The following ERC2 variants were observed in gnomAD, a reference collection of about 807,000 sequenced individuals.
The protein encoded by ERC2 is ERC protein 2.
In ERC2, 42 loss-of-function variants were observed where a neutral mutation model predicts 114.8. The ratio of observed to expected loss-of-function variants is 0.37; its 90% CI spans 0.29 to 0.47. The LOEUF (loss-of-function observed/expected upper bound fraction) is 0.47. Among genes scored for constraint, ERC2 ranks in the 20% least tolerant of loss-of-function variants. ERC2 has a pLI of 0.99. For missense variants in ERC2, 939 were observed against 1,150.7 expected (o/e 0.82, Z 2.66); for synonymous variants, 454 against 425.5 (o/e 1.07, Z -0.82).
chr3:55,823,251 T>C (rs1374299922), intron 14 of ERC2, among the ~76,000 whole-genome samples: 1 of 151,292 alleles, frequency 6.6e-6, no homozygotes, highest in Non-Finnish European at 1.5e-5. Context: ...AGAGTTCACT[T>C]GCTCCAAGGC....
chr3:55,760,148 T>C (rs1282445354), intron 14 of ERC2, among the ~76,000 whole-genome samples: 1 of 152,164 alleles, frequency 6.6e-6, no homozygotes. Context: ...GAGTAACACA[T>C]TGACATCAAA....
chr3:55,543,131 C>G (rs2107353768), intron 17 of ERC2, among the ~76,000 whole-genome samples: 1 of 152,304 alleles, frequency 6.6e-6, no homozygotes, highest in Middle Eastern at 3.4e-3. Flanking sequence ...TTCCATCTAT[C>G]CCTGAACTCC....
intron 17 of ERC2, among the ~76,000 whole-genome samples, chr3:55,542,447 A>G (rs2054461521): frequency 6.6e-6 from 1 of 152,148 alleles, no homozygotes; most frequent in Non-Finnish European, 1.5e-5. Flanking sequence ...CACCTGTATT[A>G]CAGATTTCTG....
intron 10 of ERC2, among the ~76,000 whole-genome samples, chr3:56,003,682 A>T (rs2072252950): frequency 1.3e-5 from 2 of 152,112 alleles, no homozygotes; most frequent in African/African-American, 2.4e-5. Context: ...GATTAACTTA[A>T]ATGGGAAAAG....
intron 13 of ERC2, among the ~76,000 whole-genome samples, chr3:55,931,577 G>A (rs2066090698): frequency 6.6e-6 from 1 of 152,098 alleles, no homozygotes; most frequent in South Asian, 2.1e-4. Flanking sequence ...ACAGGGAGGG[G>A]AACACCACAC....
At chr3:56,094,077 T>C (rs2077930780) in intron 6 of ERC2, among the ~76,000 whole-genome samples, 1 of 152,186 alleles carries the variant, frequency 6.6e-6, no homozygotes, top group Non-Finnish European at 1.5e-5. Flanking sequence ...ACATCTATTT[T>C]TTCCCACCGA....
intron 15 of ERC2, among the ~76,000 whole-genome samples, chr3:55,720,744 G>C (rs542812069): frequency 2.0e-5 from 3 of 152,306 alleles, no homozygotes; most frequent in Admixed American, 6.5e-5. Context: ...AAGTCATGTA[G>C]ATCCTAGTTT....
intron 17 of ERC2, among the ~76,000 whole-genome samples, chr3:55,574,704 T>G (rs1184807170): frequency 6.6e-6 from 1 of 152,188 alleles, no homozygotes; most frequent in Non-Finnish European, 1.5e-5. Context: ...CTAAGAGGGC[T>G]CAAGTGATGG....
chr3:55,669,733 AG>A (rs1394102682), intron 17 of ERC2, among the ~76,000 whole-genome samples: 1 of 152,162 alleles, frequency 6.6e-6, no homozygotes, highest in East Asian at 1.9e-4. Flanking sequence ...ACTCTTCGAG[AG>A]CTATATCCAA....
At chr3:56,372,572 A>G (rs988959771) in intron 2 of ERC2, among the ~76,000 whole-genome samples, 1 of 152,086 alleles carries the variant, frequency 6.6e-6, no homozygotes, top group East Asian at 1.9e-4. Context: ...TACAAAAACT[A>G]CAAAATAAGC....
chr3:55,727,176 A>T (rs2064973569), intron 15 of ERC2, among the ~76,000 whole-genome samples: 1 of 152,204 alleles, frequency 6.6e-6, no homozygotes, highest in African/African-American at 2.4e-5. Context: ...GAAGAAAAAG[A>T]GTTGGGGAGA....
intron 15 of ERC2, among the ~76,000 whole-genome samples, chr3:55,713,213 A>C (rs2063884596): frequency 6.6e-6 from 1 of 151,492 alleles, no homozygotes; most frequent in South Asian, 2.1e-4. Flanking sequence ...CCTTATTAAA[A>C]AAAAATTTTT....
intron 13 of ERC2, among the ~76,000 whole-genome samples, chr3:55,907,301 C>T (rs1313265898): frequency 2.0e-5 from 3 of 152,216 alleles, no homozygotes; most frequent in Non-Finnish European, 4.4e-5. Flanking sequence ...CGGCCACTTG[C>T]TCCTGTATGT....
chr3:56,062,035 A>G (rs2076265177), intron 7 of ERC2, among the ~76,000 whole-genome samples: 1 of 152,186 alleles, frequency 6.6e-6, no homozygotes, highest in South Asian at 2.1e-4. Context: ...TTTCCTTGTT[A>G]ATGTTAAATG....
At chr3:55,602,458 A>G (rs977635085) in intron 17 of ERC2, among the ~76,000 whole-genome samples, 5 of 152,210 alleles carry the variant, frequency 3.3e-5, no homozygotes, top group Admixed American at 3.3e-4. Flanking sequence ...AGTTGGAGGA[A>G]CCAGGAAAAC....
chr3:56,365,108 G>A lies in ERC2; in HGVS notation c.658-68673C>T, dbSNP rs1037851688. Among the ~76,000 whole-genome samples the A allele has an allele frequency of 5.6e-4, 86 of 152,332 alleles. 2 individuals carry two copies. The highest frequency in any genetic ancestry group is 3.7e-4 in the Non-Finnish European group (25 of 68,038). The stretch of plus-strand genomic sequence containing the variant: ...TCTGATACCCAGTATTCTGACCTAA[G>A]TGTTTCATCAATGATTGGCGGCTAT... On this transcript the variant is annotated intron_variant, in intron 2 of 17. Transcript: ENST00000288221.
chr3:56,010,503 G>A lies in ERC2; in HGVS notation c.1866C>T (p.Asn622=), dbSNP rs1283835568. The A allele has an allele frequency of 1.3e-5, 21 of 1,613,516 alleles. No individual in the cohort carries two copies. The South Asian group carries it at 2.1e-4, about 16-fold the overall frequency. ...LEEIESFRKE[N]KDLKEKVNAL... is the part of the protein sequence containing the mutation. ...CATTGACCTTCTCTTTCAGGTCTTT[G>A]TTCTCTTTTCGGAAGGATTCTATCT... Residue 622 remains asparagine, a synonymous_variant, in exon 9 of 18, where the codon AAC becomes AAT. Coordinates refer to ENST00000288221, the MANE Select transcript of ERC2 (RefSeq NM_015576.3).
rs150306679 is a variant in ERC2, at chr3:56,382,249, C to T, written c.657+52102G>A. Among the ~76,000 whole-genome samples, 180 of 152,238 alleles carry T rather than the reference C, an allele frequency of 1.2e-3. 2 individuals are homozygous for T. Among genetic ancestry groups the T allele is most frequent in the African/African-American group, 4.1e-3 (170 of 41,548 alleles). On this transcript the variant is annotated intron_variant, in intron 2 of 17. Coordinates refer to ENST00000288221, the MANE Select transcript of ERC2 (RefSeq NM_015576.3). ...TGTGTACTAGATCCCATCCCACCCCCCTGCTCATGGATACCACTGCAGCAG... is the reference window on the plus strand; with the variant it reads ...TGTGTACTAGATCCCATCCCACCCCTCTGCTCATGGATACCACTGCAGCAG...
intron 2 of ERC2, among the ~76,000 whole-genome samples, chr3:56,430,910 C>A (rs2061762309): frequency 6.6e-6 from 1 of 152,164 alleles, no homozygotes; most frequent in African/African-American, 2.4e-5. Flanking sequence ...GCTCAGTGAT[C>A]TTTTAAGGAG....
Sources: allele counts gnomAD v4.1 joint callset (sites outside exome capture counted in the v4.1 genomes callset), GRCh38; gene constraint gnomAD v4.1.1; transcripts MANE v1.5; gene names NCBI Gene and HGNC (gene_info 2026-07-23, HGNC 2026-07-21).